Variants in AGPAT3 observed in about 807,000 individuals in gnomAD.
AGPAT3 encodes 1-acylglycerol-3-phosphate O-acyltransferase 3.
Under a neutral mutation model 47.3 loss-of-function variants are expected in AGPAT3, and 5 were observed. The ratio of observed to expected loss-of-function variants is 0.11; its 90% confidence interval spans 0.06 to 0.22. AGPAT3 has a LOEUF of 0.22. Among genes scored for constraint, AGPAT3 ranks in the 10% least tolerant of loss-of-function variants. The pLI, the probability that AGPAT3 is intolerant of heterozygous loss-of-function variation, is 1.00. For synonymous variants in AGPAT3, 212 were observed against 208.3 expected, an observed-to-expected ratio of 1.02 and a Z score of -0.15; for missense variants, 315 against 493.0, an observed-to-expected ratio of 0.64 and a Z score of 3.42.
intron 2 of AGPAT3, among the ~76,000 whole-genome samples, chr21:43,940,206 T>C (rs1044637920): frequency 4.6e-5 from 7 of 152,170 alleles, no homozygotes; most frequent in Admixed American, 1.3e-4. Flanking sequence ...TCCCCGCAGG[T>C]CCTTCTCGCC....
In AGPAT3 at chr21:43,970,782, G is replaced by A. The variant is rs540217428; in HGVS notation, c.640G>A (p.Ala214Thr). The A allele has an allele frequency of 1.7e-5, 27 of 1,591,684 alleles. No individual in the cohort carries two copies. The highest frequency in any genetic ancestry group is 2.2e-5 in the South Asian group (2 of 89,580). Residue 214 changes from alanine to threonine, a missense_variant, in exon 6 of 10, where the codon GCA becomes ACA. Coordinates refer to ENST00000291572, the MANE Select transcript of AGPAT3 (RefSeq NM_020132.5). This position sits in a 1 kb window ranked among gnomAD's most constrained non-coding sequence, Gnocchi z 5.8. The part of the protein sequence containing the change: ...LLPRTKGFTT[A>T]VKCLRGTVAA... ...GCCGCGGACCAAGGGCTTCACCACC[G>A]CAGTCAAGTGCCTCCGGGGGACAGG...
chr21:43,866,978 G>C (rs2085521595), intron 1 of AGPAT3, among the ~76,000 whole-genome samples: 1 of 152,280 alleles, frequency 6.6e-6, no homozygotes, highest in Non-Finnish European at 1.5e-5. Context: ...CCCCGCCCCA[G>C]GCTGGGGCCC....
Position 43,908,148 on chromosome 21 carries a change from G to A in AGPAT3, c.-49+4129G>A, listed in dbSNP as rs1201896822. On this transcript the variant is annotated intron_variant, in intron 2 of 9. Coordinates refer to ENST00000291572, the MANE Select transcript of AGPAT3 (RefSeq NM_020132.5). This position sits in a 1 kb window ranked among gnomAD's most constrained non-coding sequence, Gnocchi z 4.9. ...AAAACGTGTGTGTGTTCCAAAGCTGGAGTGAGATTTCCAAGGCTTGTATGA... is the reference window on the plus strand; with the variant it reads ...AAAACGTGTGTGTGTTCCAAAGCTGAAGTGAGATTTCCAAGGCTTGTATGA... Among the ~76,000 whole-genome samples, 2 of 152,284 alleles carry A rather than the reference G, an allele frequency of 1.3e-5. No homozygotes were observed. Among genetic ancestry groups the A allele is most frequent in the African/African-American group, 4.8e-5 (2 of 41,560 alleles).
At chr21:43,926,432 G>T (rs1222812640) in intron 2 of AGPAT3, among the ~76,000 whole-genome samples, 3 of 152,114 alleles carry the variant, frequency 2.0e-5, no homozygotes, top group Non-Finnish European at 4.4e-5. Flanking sequence ...CAGGACTGGG[G>T]GTGATTTTAT....
intron 2 of AGPAT3, among the ~76,000 whole-genome samples, chr21:43,949,462 C>T (rs1240571895): frequency 1.3e-5 from 2 of 152,254 alleles, no homozygotes; most frequent in Non-Finnish European, 2.9e-5. Context: ...AAGCCACCAC[C>T]TCTGATGGCC....
Position 43,932,639 on chromosome 21 carries a change from G to A in AGPAT3, c.-48-26995G>A, listed in dbSNP as rs940118046. Among the ~76,000 whole-genome samples, 1 of 151,982 alleles carries A rather than the reference G, an allele frequency of 6.6e-6. No individual in the cohort carries two copies. ...ATACATACCCAGAAGTGGGATTGCC[G>A]GACCTTATGGTAGTTCCTTTTGTTT... On this transcript the variant is annotated intron_variant, in intron 2 of 9. Transcript: ENST00000291572. The surrounding 1 kb of genome is among the most constrained non-coding windows in gnomAD (Gnocchi z 5.2).
chr21:43,937,149 G>T (rs1310250879), intron 2 of AGPAT3, among the ~76,000 whole-genome samples: 2 of 152,208 alleles, frequency 1.3e-5, no homozygotes, highest in Admixed American at 6.5e-5. Context: ...TGACCCTGTG[G>T]CTTCCTGTGG....
chr21:43,959,658 G>A lies in AGPAT3; in HGVS notation c.-24G>A, dbSNP rs756282691. On this transcript the variant is annotated 5_prime_UTR_variant, in exon 3 of 10. In the 5' UTR this introduces an upstream ATG that the reference lacks. Coordinates refer to ENST00000291572, the MANE Select transcript of AGPAT3 (RefSeq NM_020132.5). Reference sequence around the variant, plus strand: ...GGACGGCTGTCCTCAGCGAGGGGCCGTGCACCCGCTCCTGAGCAGCGCCAT... The same window carrying A: ...GGACGGCTGTCCTCAGCGAGGGGCCATGCACCCGCTCCTGAGCAGCGCCAT... The A allele has an allele frequency of 1.3e-5, 21 of 1,610,090 alleles. No homozygotes were observed. The highest frequency in any genetic ancestry group is 3.3e-5 in the Admixed American group (2 of 59,990).
intron 2 of AGPAT3, among the ~76,000 whole-genome samples, chr21:43,958,814 G>T (rs915449549): frequency 1.3e-5 from 2 of 148,214 alleles, no homozygotes; most frequent in African/African-American, 5.0e-5. Flanking sequence ...TGTGTGTAGT[G>T]TGTGTGGTTT....
At chr21:43,898,379 G>C (rs566187034) in intron 1 of AGPAT3, among the ~76,000 whole-genome samples, 1 of 152,024 alleles carries the variant, frequency 6.6e-6, no homozygotes, top group African/African-American at 2.4e-5. Flanking sequence ...TACAGACTCT[G>C]TTCTTTTACT....
rs139600006 is a variant in AGPAT3 at position 43,898,176 on chromosome 21, A to G, written c.-111-5781A>G. ...GACAGTTGGTTTTTTAAGTCTGACA[A>G]CTAAAAAAATTTAACTGGATCATTT... On this transcript the variant is annotated intron_variant, in intron 1 of 9. Coordinates refer to ENST00000291572, the MANE Select transcript of AGPAT3 (RefSeq NM_020132.5). 6.0e-3 allele frequency among the ~76,000 whole-genome samples: 919 copies of G among 152,326 alleles called. 9 individuals carry two copies. Among genetic ancestry groups the G allele is most frequent in the Middle Eastern group, 0.027 (8 of 294 alleles).
At chr21:43,874,512 C>T (rs926117571) in intron 1 of AGPAT3, among the ~76,000 whole-genome samples, 1 of 152,204 alleles carries the variant, frequency 6.6e-6, no homozygotes, top group Non-Finnish European at 1.5e-5. Context: ...ATGATTTCAG[C>T]TGAAAAGCCT....
At chr21:43,889,286 G>GT (rs5844169) in intron 1 of AGPAT3, among the ~76,000 whole-genome samples, 45,701 of 139,666 alleles carry the variant, frequency 0.33, 7,858 homozygotes, top group South Asian at 0.41. Flanking sequence ...GTTGTTGTGG[G>GT]TTTTTTTTTT....
In AGPAT3 at chr21:43,939,201, C is replaced by T. The variant is rs914757656; in HGVS notation, c.-48-20433C>T. 3.3e-5 allele frequency among the ~76,000 whole-genome samples: 5 copies of T among 152,272 alleles called. No individual in the cohort carries two copies. In the East Asian group the frequency reaches 5.8e-4, roughly 18 times the overall value. On this transcript the variant is annotated intron_variant, in intron 2 of 9. Transcript: ENST00000291572. The surrounding 1 kb of genome is among the most constrained non-coding windows in gnomAD (Gnocchi z 4.4). ...CCCACTGTGGCCCCGTGACCCTGAG[C>T]GAGAATGCACTGGCCGGGCCTCCAG...
intron 1 of AGPAT3, chr21:43,867,858 G>A (rs1412547180): frequency 6.6e-6 from 1 of 152,124 alleles, no homozygotes; most frequent in Non-Finnish European, 1.5e-5. Context: ...AAATTTCATG[G>A]GAATTTACTT....
At chr21:43,963,519 G>A (rs2146676925) in intron 3 of AGPAT3, among the ~76,000 whole-genome samples, 1 of 152,152 alleles carries the variant, frequency 6.6e-6, no homozygotes, top group Non-Finnish European at 1.5e-5. Flanking sequence ...AGACCAGCCT[G>A]GCCAACATGG....
In AGPAT3 at chr21:43,982,183, A is replaced by C; in HGVS notation, c.1043-121A>C. On this transcript the variant is annotated intron_variant, in intron 9 of 9. Coordinates refer to ENST00000291572, the MANE Select transcript of AGPAT3 (RefSeq NM_020132.5). The surrounding 1 kb of genome is among the most constrained non-coding windows in gnomAD (Gnocchi z 6.2). ...CACCTACTCACTGACAGCAGAGGCCACTGGGTGCGGGGCAGAGGGACAGGG... is the reference window on the plus strand; with the variant it reads ...CACCTACTCACTGACAGCAGAGGCCCCTGGGTGCGGGGCAGAGGGACAGGG... 1.4e-6 allele frequency: 1 copy of C among 714,278 alleles called. No individual in the cohort carries two copies. The highest frequency in any genetic ancestry group is 2.6e-5 in the East Asian group (1 of 38,562). 44.2% of individuals were successfully genotyped at this position (714,278 alleles called of 1,614,324 possible).
intron 1 of AGPAT3, among the ~76,000 whole-genome samples, chr21:43,888,174 G>A (rs559453227): frequency 5.9e-4 from 90 of 152,256 alleles, no homozygotes; most frequent in Middle Eastern, 3.4e-3. Flanking sequence ...CAAGTAGCTG[G>A]CACTACAGGT....
intron 1 of AGPAT3, among the ~76,000 whole-genome samples, chr21:43,871,011 G>A (rs986249639): frequency 7.2e-5 from 11 of 152,158 alleles, no homozygotes; most frequent in East Asian, 3.8e-4. Context: ...TTAGTCTTCC[G>A]AGAGAAACCA....
Sources: allele counts gnomAD v4.1 joint callset (sites outside exome capture counted in the v4.1 genomes callset), GRCh38; gene constraint gnomAD v4.1.1; non-coding constraint Gnocchi (gnomAD v3.1); transcripts MANE v1.5; gene names NCBI Gene and HGNC (gene_info 2026-07-23, HGNC 2026-07-21).